MCPH1: variants seen among roughly 807,000 people sequenced by gnomAD.
The protein encoded by MCPH1 is microcephalin.
Under a neutral mutation model 84.5 loss-of-function variants are expected in MCPH1, and 104 were observed. That is an observed-to-expected ratio of 1.23 (90% CI 1.05 to 1.45). The LOEUF is 1.45. Among genes scored for constraint, MCPH1 ranks in the 40% most tolerant of loss-of-function variants. MCPH1 has a pLI of 0.00. For synonymous variants in MCPH1, 514 were observed against 366.8 expected (o/e 1.40, Z -4.58); for missense variants, 1,498 against 1,005.7 (o/e 1.49, Z -6.62).
intron 13 of MCPH1, among the ~76,000 whole-genome samples, chr8:6,623,688 CAAAAAAAAAAAAAAAAAAAAA>C (rs377522481): frequency 1.1e-5 from 1 of 92,420 alleles, no homozygotes; most frequent in African/African-American, 4.6e-5. Flanking sequence ...AACCAACTTC[CAAAAAAAAAAAAAAAAAAAAA>C]AAAAAAAAAC....
chr8:6,409,639 A>C (rs1161739708), intron 2 of MCPH1, among the ~76,000 whole-genome samples: 1 of 152,122 alleles, frequency 6.6e-6, no homozygotes, highest in South Asian at 2.1e-4. Flanking sequence ...GCTATTAAGC[A>C]AAGTGAGGAA....
chr8:6,520,023 G>A (rs773505391), intron 12 of MCPH1: 10 of 1,607,838 alleles, frequency 6.2e-6, no homozygotes, highest in African/African-American at 1.3e-5. Flanking sequence ...GCATTTAAAC[G>A]GAGTTCATGA....
chr8:6,600,798 G>A (rs1286834333), intron 12 of MCPH1, among the ~76,000 whole-genome samples: 1 of 152,184 alleles, frequency 6.6e-6, no homozygotes, highest in Non-Finnish European at 1.5e-5. Context: ...GTTGGGGGCA[G>A]GTTGGAGGCC....
chr8:6,584,877 A>T (rs180674219), intron 12 of MCPH1, among the ~76,000 whole-genome samples: 92 of 152,362 alleles, frequency 6.0e-4, no homozygotes, highest in African/African-American at 2.1e-3. Context: ...ATATTTGATT[A>T]ACAAATAGCA....
At chr8:6,549,879 A>AAAAAG (rs915449508) in intron 12 of MCPH1, among the ~76,000 whole-genome samples, 2 of 152,242 alleles carry the variant, frequency 1.3e-5, no homozygotes, top group Non-Finnish European at 2.9e-5. Flanking sequence ...TTATATCTAA[A>AAAAAG]AAAAGAAAAG....
chr8:6,435,927 C>G (rs1043325650), intron 4 of MCPH1, 121 bp from the exon 5 acceptor site: 2 of 1,214,588 alleles, frequency 1.6e-6, no homozygotes, highest in African/African-American at 1.5e-5. Flanking sequence ...CAAGAAACAC[C>G]TCTTTTAGAA....
At chr8:6,611,515 G>A (rs1022418093) in intron 12 of MCPH1, among the ~76,000 whole-genome samples, 14 of 152,370 alleles carry the variant, frequency 9.2e-5, no homozygotes, top group South Asian at 6.2e-4. Context: ...GCCCGGGGCC[G>A]GGGAGCAGGG....
intron 12 of MCPH1, among the ~76,000 whole-genome samples, chr8:6,562,469 C>T (rs1387778513): frequency 6.8e-6 from 1 of 147,338 alleles, no homozygotes; most frequent in Non-Finnish European, 1.5e-5. Context: ...ACCCACACAC[C>T]CTGGGATAGA....
intron 12 of MCPH1, chr8:6,616,951 A>G (rs886838647): frequency 6.6e-6 from 1 of 152,058 alleles, no homozygotes; most frequent in Non-Finnish European, 1.5e-5. Context: ...ACGGCCTGCC[A>G]CCTTATCTGC....
At chr8:6,573,593 G>A (rs2129576587) in intron 12 of MCPH1, among the ~76,000 whole-genome samples, 1 of 152,304 alleles carries the variant, frequency 6.6e-6, no homozygotes, top group Non-Finnish European at 1.5e-5. Flanking sequence ...TTGCCATCAA[G>A]TCATTTGCCA....
At chr8:6,503,310 C>T (rs754467144) in intron 12 of MCPH1, 1 of 1,603,676 alleles carries the variant, frequency 6.2e-7, no homozygotes, top group Non-Finnish European at 8.5e-7. Context: ...GATGCCAGCT[C>T]CCACCACGAA....
intron 3 of MCPH1, among the ~76,000 whole-genome samples, chr8:6,425,508 A>G (rs1272777127): frequency 1.3e-5 from 2 of 152,132 alleles, no homozygotes; most frequent in Non-Finnish European, 2.9e-5. Context: ...CTTCATAGTG[A>G]GTGATGATAG....
At chr8:6,499,338 T>C (rs528178239) in intron 11 of MCPH1, among the ~76,000 whole-genome samples, 1 of 152,270 alleles carries the variant, frequency 6.6e-6, no homozygotes, top group Non-Finnish European at 1.5e-5. Flanking sequence ...GACATTTTAC[T>C]CTTCCAAAGT....
Position 6,434,982 on chromosome 8 carries a change from G to C in MCPH1, c.322-1066G>C, listed in dbSNP as rs185705845. ...CAGTTCCAAGAACAGAAAGTGGGGT[G>C]GGTAAGGCTGGGAACGTGAGGTGTG... On this transcript the variant is annotated intron_variant, in intron 4 of 13. Coordinates refer to ENST00000344683, the MANE Select transcript of MCPH1 (RefSeq NM_024596.5). 5.9e-4 allele frequency among the ~76,000 whole-genome samples: 90 copies of C among 152,286 alleles called. 3 individuals are homozygous for C. Among genetic ancestry groups the C allele is most frequent in the Admixed American group, 5.0e-3 (76 of 15,288 alleles).
chr8:6,512,999 A>G (rs1815481075), intron 12 of MCPH1, among the ~76,000 whole-genome samples: 1 of 152,232 alleles, frequency 6.6e-6, no homozygotes, highest in African/African-American at 2.4e-5. Context: ...AACCTTTTGG[A>G]ATAAAACAGC....
chr8:6,486,343 C>T (rs1464341159), intron 11 of MCPH1, among the ~76,000 whole-genome samples: 1 of 152,064 alleles, frequency 6.6e-6, no homozygotes, highest in African/African-American at 2.4e-5. Flanking sequence ...CTAACCCTGT[C>T]TCCAATGTAG....
intron 2 of MCPH1, among the ~76,000 whole-genome samples, chr8:6,412,696 C>G (rs1464067108): frequency 6.6e-6 from 1 of 152,120 alleles, no homozygotes; most frequent in Non-Finnish European, 1.5e-5. Context: ...TGATAAAAGC[C>G]TTGTGGGAAG....
intron 12 of MCPH1, among the ~76,000 whole-genome samples, chr8:6,609,895 C>T (rs924449488): frequency 7.0e-6 from 1 of 143,830 alleles, no homozygotes; most frequent in South Asian, 2.4e-4. Flanking sequence ...CCTTATTACA[C>T]ACCCTCCTCT....
chr8:6,467,267 A>C (rs1014594665), intron 9 of MCPH1, among the ~76,000 whole-genome samples: 1 of 152,172 alleles, frequency 6.6e-6, no homozygotes, highest in African/African-American at 2.4e-5. Context: ...CTTGGTATGA[A>C]GCGCTTCTTA....
Sources: allele counts gnomAD v4.1 joint callset (sites outside exome capture counted in the v4.1 genomes callset), GRCh38; gene constraint gnomAD v4.1.1; transcripts MANE v1.5; gene names NCBI Gene and HGNC (gene_info 2026-07-23, HGNC 2026-07-21).